CTNNA3: variants seen among roughly 807,000 people sequenced by gnomAD.
The protein encoded by CTNNA3 is catenin alpha-3.
Under a neutral mutation model 95.7 loss-of-function variants are expected in CTNNA3, and 76 were observed. That is an observed-to-expected ratio of 0.79 (90% CI 0.66 to 0.96). The LOEUF is 0.96. CTNNA3 is among the 40% of genes least tolerant of loss of function. The pLI is 0.00. For missense variants in CTNNA3, 1,191 were observed against 1,089.8 expected, an observed-to-expected ratio of 1.09 and a Z score of -1.31; for synonymous variants, 431 against 374.4, an observed-to-expected ratio of 1.15 and a Z score of -1.74.
At chr10:67,733,212 G>C (rs1459884091) in intron 1 of CTNNA3, among the ~76,000 whole-genome samples, 1 of 152,034 alleles carries the variant, frequency 6.6e-6, no homozygotes, top group African/African-American at 2.4e-5. Flanking sequence ...AATATTTAAA[G>C]CTAAGTTTTA....
At chr10:67,030,182 A>G (rs759806341) in intron 7 of CTNNA3, among the ~76,000 whole-genome samples, 8 of 152,240 alleles carry the variant, frequency 5.3e-5, no homozygotes, top group Admixed American at 3.3e-4. Context: ...TTACAAGGGA[A>G]GTCAGACATT....
At chr10:66,543,154 T>A (rs145098247) in intron 10 of CTNNA3, among the ~76,000 whole-genome samples, 1 of 152,108 alleles carries the variant, frequency 6.6e-6, no homozygotes, top group Non-Finnish European at 1.5e-5. Flanking sequence ...AATGGCGCAA[T>A]CTCGGCTCAC....
rs942380251 is a variant in CTNNA3, at chr10:66,911,621, G to A, written c.1048-136097C>T. Among the ~76,000 whole-genome samples the A allele has an allele frequency of 3.3e-5, 5 of 152,256 alleles. No individual in the cohort carries two copies. The East Asian group carries it at 9.6e-4, about 29-fold the overall frequency. On this transcript the variant is annotated intron_variant, in intron 7 of 17. Coordinates refer to ENST00000433211, the MANE Select transcript of CTNNA3 (RefSeq NM_013266.4). ...GGATCTAGGCTCTACTCAAAGTCTT[G>A]TATCTGTGTCGTATATTAATTGAAC...
chr10:65,959,111 C>A (rs933898790), intron 17 of CTNNA3, among the ~76,000 whole-genome samples: 1 of 152,208 alleles, frequency 6.6e-6, no homozygotes, highest in Non-Finnish European at 1.5e-5. Context: ...CCTCCCACAG[C>A]CTTGCTGCCA....
intron 2 of CTNNA3, among the ~76,000 whole-genome samples, chr10:67,615,806 G>A (rs1339343145): frequency 1.3e-5 from 2 of 151,966 alleles, no homozygotes; most frequent in African/African-American, 4.8e-5. Context: ...GGCATTACAG[G>A]TGCCTGTCAC....
At chr10:66,832,705 A>G (rs1842762137) in intron 7 of CTNNA3, among the ~76,000 whole-genome samples, 1 of 152,084 alleles carries the variant, frequency 6.6e-6, no homozygotes, top group South Asian at 2.1e-4. Context: ...GCTAGTAGCA[A>G]TCCAGAAATA....
At chr10:66,087,268 C>A (rs768149585) in intron 14 of CTNNA3, among the ~76,000 whole-genome samples, 8 of 152,098 alleles carry the variant, frequency 5.3e-5, no homozygotes, top group Non-Finnish European at 1.0e-4. Flanking sequence ...TGGGGACCCC[C>A]TTTCTCTGCA....
At chr10:67,074,281 T>A (rs1856622524) in intron 7 of CTNNA3, among the ~76,000 whole-genome samples, 1 of 150,358 alleles carries the variant, frequency 6.7e-6, no homozygotes, top group African/African-American at 2.5e-5. Flanking sequence ...CTGCCCGCCT[T>A]GGCCCCCCAA....
chr10:67,580,883 G>C (rs1484635261), intron 3 of CTNNA3, among the ~76,000 whole-genome samples: 1 of 151,904 alleles, frequency 6.6e-6, no homozygotes, highest in Non-Finnish European at 1.5e-5. Context: ...GTATAGGAAT[G>C]CTTGTGATTT....
intron 10 of CTNNA3, among the ~76,000 whole-genome samples, chr10:66,618,150 G>T (rs1331186311): frequency 2.0e-5 from 3 of 152,176 alleles, no homozygotes; most frequent in African/African-American, 7.2e-5. Flanking sequence ...GTAATTTATA[G>T]ATTCAATGCC....
At chr10:67,038,642 A>G (rs764496373) in intron 7 of CTNNA3, among the ~76,000 whole-genome samples, 7 of 152,108 alleles carry the variant, frequency 4.6e-5, no homozygotes, top group Non-Finnish European at 7.4e-5. Context: ...CTTTCAACCA[A>G]GTACTTGTCA....
chr10:66,438,696 A>G (rs1254940511), intron 11 of CTNNA3, among the ~76,000 whole-genome samples: 2 of 152,036 alleles, frequency 1.3e-5, no homozygotes, highest in African/African-American at 4.8e-5. Flanking sequence ...TTTCCAGCGG[A>G]GTAAATGGTT....
At chr10:65,968,755 C>T (rs978765586) in intron 16 of CTNNA3, among the ~76,000 whole-genome samples, 3 of 152,222 alleles carry the variant, frequency 2.0e-5, no homozygotes, top group Admixed American at 1.3e-4. Flanking sequence ...ACCCAGTCCC[C>T]TGGATTAGGA....
At chr10:66,309,955 A>AAAT (rs1481353051) in intron 12 of CTNNA3, among the ~76,000 whole-genome samples, 1 of 135,688 alleles carries the variant, frequency 7.4e-6, no homozygotes, top group Admixed American at 7.3e-5. Context: ...ATAAATAAAT[A>AAAT]AAATAAAAAT....
chr10:66,235,061 G>A (rs1244794593), intron 13 of CTNNA3, among the ~76,000 whole-genome samples: 1 of 152,156 alleles, frequency 6.6e-6, no homozygotes, highest in African/African-American at 2.4e-5. Flanking sequence ...CAGACCTTTC[G>A]CTTGTTGAGC....
At position 66,605,499 on chromosome 10, in the gene CTNNA3, T is replaced by C. The variant is rs550623762; in HGVS notation, c.1374+16193A>G. On this transcript the variant is annotated intron_variant, in intron 10 of 17. Coordinates refer to ENST00000433211, the MANE Select transcript of CTNNA3 (RefSeq NM_013266.4). ...TTCACAAGAAGATCGCTCCAAGACA[T>C]ACAATCATCAGATTCCTCAAGGTCA... is the stretch of plus-strand genomic sequence containing the variant. 5.5e-4 allele frequency among the ~76,000 whole-genome samples: 84 copies of C among 152,098 alleles called. 1 individual carries two copies. Among genetic ancestry groups the C allele is most frequent in the African/African-American group, 2.0e-3 (81 of 41,524 alleles).
intron 7 of CTNNA3, among the ~76,000 whole-genome samples, chr10:66,945,204 G>A (rs1403199374): frequency 6.6e-6 from 1 of 152,174 alleles, no homozygotes; most frequent in Admixed American, 6.5e-5. Context: ...ATTATTTAGT[G>A]TAAGTTAAAG....
intron 12 of CTNNA3, among the ~76,000 whole-genome samples, chr10:66,340,435 CTGTT>C (rs901060021): frequency 6.6e-6 from 1 of 151,684 alleles, no homozygotes; most frequent in Non-Finnish European, 1.5e-5. Flanking sequence ...GATGGTAGAG[CTGTT>C]TGTTTGTTTT....
In CTNNA3 at chr10:66,685,307, A is replaced by ACG. The variant is rs1461970191; in HGVS notation, c.1282-63524_1282-63523insCG. ...TAAGTATATATATGTGTGTATATATATGTGTGTGTGTATGTGTGTATATAT... is the reference window on the plus strand; with the variant it reads ...TAAGTATATATATGTGTGTATATATACGTGTGTGTGTGTATGTGTGTATATAT... On this transcript the variant is annotated intron_variant, in intron 9 of 17. Coordinates refer to ENST00000433211, the MANE Select transcript of CTNNA3 (RefSeq NM_013266.4). 6.6e-3 allele frequency among the ~76,000 whole-genome samples: 401 copies of ACG among 60,856 alleles called. 16 individuals are homozygous for ACG. Among genetic ancestry groups the ACG allele is most frequent in the African/African-American group, 0.032 (329 of 10,276 alleles). The allele number at this position is 60,856 out of a possible 152,430, so 39.9% of individuals were successfully genotyped here. A position where few individuals can be genotyped will look rare whatever the true frequency, so the allele number is the denominator to read the frequency against.
Sources: gnomAD v4.1 joint callset for allele counts (sites outside exome capture counted in the v4.1 genomes callset) on GRCh38, gnomAD v4.1.1 for gene constraint, MANE v1.5 for transcripts, NCBI Gene and HGNC (gene_info 2026-07-23, HGNC 2026-07-21) for gene names.